Variants in PPP1R9A observed in about 807,000 individuals in gnomAD.
PPP1R9A encodes neurabin-1.
In PPP1R9A, 59 loss-of-function variants were observed where a neutral mutation model predicts 141.9. The ratio of observed to expected loss-of-function variants is 0.42; its 90% confidence interval spans 0.34 to 0.52. PPP1R9A has a LOEUF of 0.52. PPP1R9A is among the 20% of genes least tolerant of loss of function. The probability of loss-of-function intolerance (pLI) is 0.10; values close to 1 mark genes in which losing one functional copy is unlikely to be tolerated. For synonymous variants in PPP1R9A, 500 were observed against 569.7 expected (o/e 0.88, Z 1.74); for missense variants, 1,444 against 1,611.9 (o/e 0.90, Z 1.78).
chr7:95,085,901 C>G (rs1816562105), intron 2 of PPP1R9A, among the ~76,000 whole-genome samples: 1 of 151,840 alleles, frequency 6.6e-6, no homozygotes, highest in African/African-American at 2.4e-5. Context: ...TGTGTAATTT[C>G]ATCTAAAGGT....
At chr7:95,109,812 G>T (rs1820225234) in intron 2 of PPP1R9A, among the ~76,000 whole-genome samples, 1 of 151,484 alleles carries the variant, frequency 6.6e-6, no homozygotes, top group African/African-American at 2.4e-5. Flanking sequence ...ACTCCAGCTT[G>T]GAGTGCAGAG....
chr7:95,125,713 C>T (rs1010545038), intron 4 of PPP1R9A, among the ~76,000 whole-genome samples: 1 of 152,150 alleles, frequency 6.6e-6, no homozygotes, highest in African/African-American at 2.4e-5. Context: ...AGCTTTTGCT[C>T]ATCATCATTT....
chr7:95,217,101 G>T (rs935749703), intron 7 of PPP1R9A, among the ~76,000 whole-genome samples: 3 of 152,042 alleles, frequency 2.0e-5, no homozygotes, highest in African/African-American at 7.2e-5. Flanking sequence ...ATTGGCTGTG[G>T]GTTTGTCATA....
intron 18 of PPP1R9A, among the ~76,000 whole-genome samples, chr7:95,288,220 AT>A (rs1805703062): frequency 6.6e-6 from 1 of 152,216 alleles, no homozygotes; most frequent in African/African-American, 2.4e-5. Context: ...TTTATGAAAT[AT>A]TTATTTTCTA....
rs1806587221 is a variant in PPP1R9A, at chr7:95,293,083, T to G, written c.*2780T>G. The G allele has an allele frequency of 6.6e-6, 1 of 152,194 alleles. No homozygotes were observed. The highest frequency in any genetic ancestry group is 1.5e-5 in the Non-Finnish European group (1 of 68,040). 9.4% of individuals were successfully genotyped at this position (152,194 alleles called of 1,614,324 possible). A position where few individuals can be genotyped will look rare whatever the true frequency, so the allele number is the denominator to read the frequency against. ...CCTAAAGGAGAGCTCAGTATGATTC[T>G]AACAATAGCCAAAAGTGTTTTGGGG... On this transcript the variant is annotated 3_prime_UTR_variant, in exon 20 of 20. Coordinates refer to ENST00000433360, the MANE Select transcript of PPP1R9A (RefSeq NM_001166160.2).
At chr7:94,951,733 G>GATT (rs1189246551) in intron 2 of PPP1R9A, among the ~76,000 whole-genome samples, 2 of 151,804 alleles carry the variant, frequency 1.3e-5, no homozygotes, top group African/African-American at 4.8e-5. Context: ...CTCCTAGAAT[G>GATT]ACCTGAGGAA....
At chr7:94,922,151 T>C (rs1214298695) in intron 2 of PPP1R9A, among the ~76,000 whole-genome samples, 4 of 150,484 alleles carry the variant, frequency 2.7e-5, no homozygotes, top group Non-Finnish European at 5.9e-5. Context: ...AAAATAAAAT[T>C]ATTTTAAAGC....
chr7:95,204,653 C>A (rs1343745622), intron 7 of PPP1R9A, among the ~76,000 whole-genome samples: 1 of 146,148 alleles, frequency 6.8e-6, no homozygotes, highest in Non-Finnish European at 1.5e-5. Flanking sequence ...GCACACACAC[C>A]ACACATATCC....
At chr7:95,130,646 A>G (rs1349507462) in intron 4 of PPP1R9A, among the ~76,000 whole-genome samples, 1 of 152,184 alleles carries the variant, frequency 6.6e-6, no homozygotes, top group Non-Finnish European at 1.5e-5. Flanking sequence ...ACACCAGCCC[A>G]TGAAAGCAGC....
chr7:95,031,875 A>G (rs187206035), intron 2 of PPP1R9A, among the ~76,000 whole-genome samples: 2 of 152,328 alleles, frequency 1.3e-5, no homozygotes, highest in East Asian at 1.9e-4. Context: ...AATTATTTCA[A>G]CTAGACTGGT....
intron 5 of PPP1R9A, among the ~76,000 whole-genome samples, chr7:95,180,378 C>G (rs1422534738): frequency 1.3e-5 from 2 of 152,058 alleles, no homozygotes; most frequent in Non-Finnish European, 2.9e-5. Flanking sequence ...AAAATCAACT[C>G]AAGATGGATT....
chr7:95,218,160 A>G (rs187315819), intron 7 of PPP1R9A, among the ~76,000 whole-genome samples: 12 of 152,316 alleles, frequency 7.9e-5, no homozygotes, highest in African/African-American at 2.4e-4. Context: ...AGATTCTGGT[A>G]TGTAGTGTCT....
At chr7:95,221,805 A>G (rs958388079) in intron 7 of PPP1R9A, among the ~76,000 whole-genome samples, 1 of 152,062 alleles carries the variant, frequency 6.6e-6, no homozygotes, top group Non-Finnish European at 1.5e-5. Context: ...TAAAGATGCT[A>G]CAGTAATTTC....
At chr7:95,237,768 A>G (rs565366715) in intron 8 of PPP1R9A, among the ~76,000 whole-genome samples, 9 of 152,018 alleles carry the variant, frequency 5.9e-5, no homozygotes, top group Non-Finnish European at 1.0e-4. Flanking sequence ...TTTGTCCCAA[A>G]TTATATTTTG....
At chr7:95,170,364 A>G (rs919675308) in intron 5 of PPP1R9A, among the ~76,000 whole-genome samples, 2 of 151,620 alleles carry the variant, frequency 1.3e-5, no homozygotes, top group African/African-American at 4.8e-5. Flanking sequence ...TTTAAGATTT[A>G]TAATATCACA....
chr7:94,989,573 C>G (rs1382436107), intron 2 of PPP1R9A, among the ~76,000 whole-genome samples: 1 of 152,024 alleles, frequency 6.6e-6, no homozygotes, highest in African/African-American at 2.4e-5. Flanking sequence ...GGTTTTGTAC[C>G]ACAAAGTCCA....
chr7:95,053,393 A>G (rs1204693928), intron 2 of PPP1R9A, among the ~76,000 whole-genome samples: 1 of 152,210 alleles, frequency 6.6e-6, no homozygotes, highest in Non-Finnish European at 1.5e-5. Flanking sequence ...AAGTTTTTGT[A>G]TAATTTTCCC....
At chr7:94,961,781 G>A (rs1040552057) in intron 2 of PPP1R9A, among the ~76,000 whole-genome samples, 7 of 151,804 alleles carry the variant, frequency 4.6e-5, no homozygotes, top group African/African-American at 9.7e-5. Context: ...TGTTTTACTC[G>A]TGAATTAAGC....
intron 5 of PPP1R9A, among the ~76,000 whole-genome samples, chr7:95,169,625 A>G (rs1005060051): frequency 6.6e-6 from 1 of 151,946 alleles, no homozygotes; most frequent in African/African-American, 2.4e-5. Flanking sequence ...AGCATGTAAG[A>G]AAATGTCACT....
Sources: gnomAD v4.1 joint callset for allele counts (sites outside exome capture counted in the v4.1 genomes callset) on GRCh38, gnomAD v4.1.1 for gene constraint, MANE v1.5 for transcripts, NCBI Gene and HGNC (gene_info 2026-07-23, HGNC 2026-07-21) for gene names.